The following COQ4 variants were observed in gnomAD, a reference collection of about 807,000 sequenced individuals.
COQ4 encodes ubiquinone biosynthesis protein COQ4 homolog, mitochondrial.
In COQ4, 36 loss-of-function variants were observed where a neutral mutation model predicts 30.2. The ratio of observed to expected loss-of-function variants is 1.19; its 90% CI spans 0.91 to 1.57. The LOEUF (loss-of-function observed/expected upper bound fraction) is 1.57. Ranked by LOEUF, COQ4 falls within the 40% of genes most tolerant of loss-of-function variation. The pLI is 0.00. For missense variants in COQ4, 369 were observed against 371.9 expected (o/e 0.99, Z 0.07); for synonymous variants, 197 against 161.0 (o/e 1.22, Z -1.69).
intron 4 of COQ4, 51 bp from the exon 5 acceptor site, chr9:128,332,102 G>A (rs1431745346): frequency 8.5e-6 from 13 of 1,535,978 alleles, no homozygotes; most frequent in African/African-American, 1.4e-5. Flanking sequence ...CTGGCAAATC[G>A]GGCCCTGGGA....
intron 4 of COQ4, among the ~76,000 whole-genome samples, chr9:128,326,686 G>A (rs1331354380): frequency 1.3e-5 from 2 of 152,110 alleles, no homozygotes; most frequent in Middle Eastern, 3.4e-3. Flanking sequence ...CACGTGATCC[G>A]CCCGCATCAG....
chr9:128,324,012 A>G (rs756268232), intron 2 of COQ4, among the ~76,000 whole-genome samples: 1 of 152,030 alleles, frequency 6.6e-6, no homozygotes, highest in Non-Finnish European at 1.5e-5. Flanking sequence ...GAGACACAGT[A>G]TTGCTCTGTG....
rs1300185069 is a variant in COQ4, at chr9:128,333,607, A to T, written c.760A>T (p.Ile254Phe). The change falls in exon 7 of 7, where the codon ATT becomes TTT. Residue 254 changes from isoleucine (I) to phenylalanine (F), a missense_variant. Transcript: ENST00000300452. Reference sequence around the variant, plus strand: ...GAGGGCTCTGCGGGAGGAGCTGGGCATTACAGCACCACCCATGCACGTCCA... The same window carrying T: ...GAGGGCTCTGCGGGAGGAGCTGGGCTTTACAGCACCACCCATGCACGTCCA... The part of the protein sequence containing the change: ...SLRALREELG[I>F]TAPPMHVQGL... 1 of 1,600,586 alleles carries T rather than the reference A, an allele frequency of 6.2e-7. No individual in the cohort carries two copies. Among genetic ancestry groups the T allele is most frequent in the Non-Finnish European group, 8.5e-7 (1 of 1,174,962 alleles).
chr9:128,323,021 C>T lies in COQ4; in HGVS notation c.76C>T (p.Pro26Ser). The change falls in exon 2 of 7, where the codon CCC becomes TCC. Residue 26 changes from proline to serine, a missense_variant. Transcript: ENST00000300452. ...GCCTTTTTCTTGCCCCGCAGAAATG[C>T]CCCTCCGGGCTAGGAGCGACGGCGC... is the stretch of plus-strand genomic sequence containing the variant. ...PGLQRPAAEMPLRARSDGAGP... is the reference protein window; with the variant it reads ...PGLQRPAAEMSLRARSDGAGP... 1 of 1,611,668 alleles carries T rather than the reference C, an allele frequency of 6.2e-7. No individual in the cohort carries two copies. The highest frequency in any genetic ancestry group is 2.2e-5 in the East Asian group (1 of 44,856).
intron 2 of COQ4, among the ~76,000 whole-genome samples, chr9:128,323,871 G>A (rs1488587820): frequency 6.6e-6 from 1 of 152,214 alleles, no homozygotes; most frequent in Non-Finnish European, 1.5e-5. Flanking sequence ...TTTGAGCCGG[G>A]GAGTTCGAGA....
chr9:128,324,431 T>TTA (rs552650763), intron 2 of COQ4, among the ~76,000 whole-genome samples: 5 of 152,028 alleles, frequency 3.3e-5, no homozygotes, highest in Non-Finnish European at 5.9e-5. Context: ...CCACTAAGTG[T>TTA]TATATATATA....
intron 2 of COQ4, among the ~76,000 whole-genome samples, chr9:128,324,033 G>C (rs890748213): frequency 5.9e-5 from 9 of 152,158 alleles, no homozygotes; most frequent in African/African-American, 1.7e-4. Flanking sequence ...GCCCACGCTG[G>C]AGTGCAGTGG....
chr9:128,332,529 G>C (rs1832432226), intron 5 of COQ4: 7 of 587,750 alleles, frequency 1.2e-5, no homozygotes, highest in African/African-American at 1.9e-5. Context: ...GGCTTTAGCT[G>C]CCTCCCTGCT....
Position 128,329,600 on chromosome 9 carries a change from C to A in COQ4, c.403-2553C>A, listed in dbSNP as rs535932816. Among the ~76,000 whole-genome samples, 657 of 152,302 alleles carry A rather than the reference C, an allele frequency of 4.3e-3. 10 individuals carry two copies. Among genetic ancestry groups the A allele is most frequent in the African/African-American group, 0.015 (628 of 41,568 alleles). On this transcript the variant is annotated intron_variant, in intron 4 of 6. Transcript: ENST00000300452. The stretch of plus-strand genomic sequence containing the variant: ...GGCCAGGCTGGTCTCAAACTCCTGA[C>A]CTCAAGTGATCCGCTGGCCTTGGCC...
At chr9:128,331,988 C>T (rs1832420474) in intron 4 of COQ4, 165 bp from the exon 5 acceptor site, 2 of 723,488 alleles carry the variant, frequency 2.8e-6, no homozygotes, top group Non-Finnish European at 4.4e-6. Flanking sequence ...CTTAGCCTCC[C>T]AAAGTGCTGG....
At chr9:128,329,234 G>A (rs1313684991) in intron 4 of COQ4, among the ~76,000 whole-genome samples, 1 of 152,146 alleles carries the variant, frequency 6.6e-6, no homozygotes, top group Non-Finnish European at 1.5e-5. Flanking sequence ...ATCTTCCAGG[G>A]CACTTATCGG....
In COQ4 at chr9:128,332,924, C is replaced by G; in HGVS notation, c.607C>G (p.Pro203Ala). The change falls in exon 6 of 7, where the codon CCG becomes GCG. Residue 203 changes from proline to alanine, a missense_variant. Transcript: ENST00000300452. ...GTGCATCCTGGGTGCATTCTTTGGA[C>G]CGATCCGACTTGGCGCTCAGTAAGT... ...PMCILGAFFG[P>A]IRLGAQSLQV... is the part of the protein sequence containing the mutation. 1 of 1,614,016 alleles carries G rather than the reference C, an allele frequency of 6.2e-7. No individual in the cohort carries two copies. Among genetic ancestry groups the G allele is most frequent in the Non-Finnish European group, 8.5e-7 (1 of 1,179,900 alleles).
Position 128,325,861 on chromosome 9 carries a change from C to T in COQ4, c.382C>T (p.Leu128Phe). 6.2e-7 allele frequency: 1 copy of T among 1,614,190 alleles called. No individual in the cohort carries two copies. The highest frequency in any genetic ancestry group is 8.5e-7 in the Non-Finnish European group (1 of 1,180,014). The change falls in exon 4 of 7, where the codon CTC becomes TTC. Residue 128 changes from leucine (L) to phenylalanine (F), a missense_variant. Transcript: ENST00000300452. ...GGAAGGCTCCCTCGGTCGCGAGTATCTCCGTTTCCTGGATGTGAACGTGAG... is the reference window on the plus strand; with the variant it reads ...GGAAGGCTCCCTCGGTCGCGAGTATTTCCGTTTCCTGGATGTGAACGTGAG... ...LPEGSLGREY[L>F]RFLDVNRVSP...
intron 2 of COQ4, 23 bp downstream of exon 2, chr9:128,323,170 C>G: frequency 6.4e-7 from 1 of 1,564,996 alleles, no homozygotes; most frequent in Non-Finnish European, 8.6e-7. Context: ...GCGCCTCGCC[C>G]CCGTGGGGGC....
At position 128,333,796 on chromosome 9, in the gene COQ4, C is replaced by A; in HGVS notation, c.*151C>A. The A allele has an allele frequency of 1.4e-6, 1 of 703,560 alleles. No individual in the cohort carries two copies. Among genetic ancestry groups the A allele is most frequent in the Non-Finnish European group, 2.1e-6 (1 of 468,492 alleles). The allele number at this position is 703,560 out of a possible 1,614,324, so 43.6% of individuals were successfully genotyped here. On this transcript the variant is annotated 3_prime_UTR_variant, in exon 7 of 7. Transcript: ENST00000300452. ...TTTGTCATAACCACTGCTGAGTGGC[C>A]TTGAGGACGAACCCCGCAGGGAGCA...
chr9:128,324,014 T>C (rs1202582354), intron 2 of COQ4, among the ~76,000 whole-genome samples: 2 of 152,162 alleles, frequency 1.3e-5, no homozygotes, highest in African/African-American at 4.8e-5. Context: ...GACACAGTAT[T>C]GCTCTGTGGC....
chr9:128,332,036 CAG>C, intron 4 of COQ4, 115 bp from the exon 5 acceptor site: 2 of 1,290,746 alleles, frequency 1.5e-6, no homozygotes, highest in South Asian at 1.5e-5. Flanking sequence ...GGCCAGTCGC[CAG>C]AGTTTTCTAG....
chr9:128,323,142 G>T lies in COQ4; in HGVS notation c.197G>T (p.Arg66Leu), dbSNP rs549496622. ...SAAMALYNPY[R>L]HDMVAVLGET... ...GCGATGGCGCTCTATAACCCCTACC[G>T]CCACGGTAAGGCCGCCCGCGCCTCG... Residue 66 changes from arginine to leucine, a missense_variant, in exon 2 of 7, where the codon CGC becomes CTC. Physicochemically the swap from Arg to Leu is moderately radical, Grantham distance 102. Transcript: ENST00000300452. 1.3e-6 allele frequency: 2 copies of T among 1,598,872 alleles called. No individual in the cohort carries two copies. The highest frequency in any genetic ancestry group is 8.5e-7 in the Non-Finnish European group (1 of 1,175,524).
chr9:128,323,206 A>C (rs754809482), intron 2 of COQ4, 59 bp downstream of exon 2: 12 of 1,490,726 alleles, frequency 8.0e-6, no homozygotes, highest in Non-Finnish European at 1.1e-5. Context: ...CCTGTGGGTA[A>C]CTGGAACATA....
Sources: allele counts gnomAD v4.1 joint callset (sites outside exome capture counted in the v4.1 genomes callset), GRCh38; gene constraint gnomAD v4.1.1; transcripts MANE v1.5; gene names NCBI Gene and HGNC (gene_info 2026-07-23, HGNC 2026-07-21).